The following SND1 variants were observed in gnomAD, a reference collection of about 807,000 sequenced individuals.
The protein encoded by SND1 is staphylococcal nuclease domain-containing protein 1.
A neutral mutation model predicts 121.7 loss-of-function variants in SND1; 38 were observed. The ratio of observed to expected loss-of-function variants is 0.31; its 90% confidence interval spans 0.24 to 0.41. The LOEUF (loss-of-function observed/expected upper bound fraction) is 0.41, where lower values mean the gene tolerates loss of function less well. Among genes scored for constraint, SND1 ranks in the 10% least tolerant of loss-of-function variants. SND1 has a pLI of 1.00. For synonymous variants in SND1, 401 were observed against 447.4 expected (o/e 0.90, Z 1.31); for missense variants, 868 against 1,184.6 (o/e 0.73, Z 3.92).
intron 10 of SND1, among the ~76,000 whole-genome samples, chr7:127,727,539 C>A (rs368770174): frequency 6.6e-6 from 1 of 152,238 alleles, no homozygotes; most frequent in South Asian, 2.1e-4. Flanking sequence ...GAAATTGGAG[C>A]AGGCCAGTAA....
chr7:127,849,366 C>T (rs1199775364), intron 12 of SND1, among the ~76,000 whole-genome samples: 1 of 152,096 alleles, frequency 6.6e-6, no homozygotes, highest in Non-Finnish European at 1.5e-5. Flanking sequence ...TTTGGCAAAC[C>T]CTTAGAATCT....
chr7:127,680,394 G>A (rs1485148001), intron 1 of SND1, among the ~76,000 whole-genome samples: 2 of 152,056 alleles, frequency 1.3e-5, no homozygotes, highest in East Asian at 3.9e-4. Flanking sequence ...AATAAGCCTG[G>A]GAGCGCTATG....
At chr7:127,673,601 T>G (rs1220084257) in intron 1 of SND1, among the ~76,000 whole-genome samples, 1 of 152,190 alleles carries the variant, frequency 6.6e-6, no homozygotes, top group Non-Finnish European at 1.5e-5. Context: ...CGTGAGCCAC[T>G]GTGCCCGGCC....
In SND1 at chr7:127,844,334, C is replaced by T. The variant is rs200994299; in HGVS notation, c.1253C>T (p.Thr418Met). 56 of 1,612,676 alleles carry T rather than the reference C, an allele frequency of 3.5e-5. No homozygotes were observed. The African/African-American group carries it at 3.6e-4, about 10-fold the overall frequency. The change falls in exon 12 of 24, where the codon ACG becomes ATG. Residue 418 changes from threonine (T) to methionine (M), a missense_variant. Physicochemically the swap from Thr to Met is moderately conservative, Grantham distance 81. Around this residue, in one of 2 missense-constraint regions of SND1, gnomAD observed 743 missense variants for 1,071.3 expected, o/e 0.69. Transcript: ENST00000354725. Reference sequence around the variant, plus strand: ...ATTCTTTGTTTCCAGGTCAATGTGACGGTGGACTACATTAGACCAGCCAGC... The same window carrying T: ...ATTCTTTGTTTCCAGGTCAATGTGATGGTGGACTACATTAGACCAGCCAGC... The part of the protein sequence containing the change: ...KKLIGKKVNV[T>M]VDYIRPASPA...
intron 1 of SND1, among the ~76,000 whole-genome samples, chr7:127,656,413 C>A (rs1237089145): frequency 6.6e-6 from 1 of 150,902 alleles, no homozygotes; most frequent in Non-Finnish European, 1.5e-5. Context: ...ACCTCCACCT[C>A]TTGGGTTCAA....
chr7:127,677,969 T>G (rs1279222329), intron 1 of SND1, among the ~76,000 whole-genome samples: 2 of 152,204 alleles, frequency 1.3e-5, no homozygotes, highest in Non-Finnish European at 2.9e-5. Context: ...TTGCAGATGG[T>G]ACGGTTTAAT....
chr7:127,916,271 C>T (rs1435518561), intron 14 of SND1, among the ~76,000 whole-genome samples: 1 of 151,938 alleles, frequency 6.6e-6, no homozygotes, highest in Non-Finnish European at 1.5e-5. Context: ...ACTGGTAGAA[C>T]TGAGTGGTTG....
At chr7:128,004,382 G>C (rs534299046) in intron 16 of SND1, among the ~76,000 whole-genome samples, 2 of 152,088 alleles carry the variant, frequency 1.3e-5, no homozygotes, top group Non-Finnish European at 2.9e-5. Flanking sequence ...ACCTGAAGAG[G>C]GACCTCTGGT....
rs200439931 is a variant in SND1, at chr7:127,846,608, C to G, written c.1343+2184C>G. Among the ~76,000 whole-genome samples, 14 of 152,218 alleles carry G rather than the reference C, an allele frequency of 9.2e-5. No homozygotes were observed. The East Asian group carries it at 2.7e-3, about 29-fold the overall frequency. On this transcript the variant is annotated intron_variant, in intron 12 of 23. Coordinates refer to ENST00000354725, the MANE Select transcript of SND1 (RefSeq NM_014390.4). Reference sequence around the variant, plus strand: ...AAATCAATGAATTTGTTGAGTGATTCATTAACTTTATTGCAAACTCTTCCT... The same window carrying G: ...AAATCAATGAATTTGTTGAGTGATTGATTAACTTTATTGCAAACTCTTCCT...
intron 12 of SND1, among the ~76,000 whole-genome samples, chr7:127,855,158 A>G (rs1799250947): frequency 6.6e-6 from 1 of 151,988 alleles, no homozygotes. Context: ...TCACTCTGTC[A>G]CCCATGTTGG....
At chr7:127,711,929 C>T (rs1291441907) in intron 9 of SND1, among the ~76,000 whole-genome samples, 1 of 151,214 alleles carries the variant, frequency 6.6e-6, no homozygotes, top group African/African-American at 2.4e-5. Context: ...CATCTCTTAG[C>T]TTTCTGCGAA....
intron 10 of SND1, among the ~76,000 whole-genome samples, chr7:127,734,526 C>G (rs1307336961): frequency 6.6e-6 from 1 of 152,140 alleles, no homozygotes; most frequent in East Asian, 1.9e-4. Flanking sequence ...GGTTAAAGAA[C>G]GTGCTTGCCT....
At chr7:128,033,735 CTAT>C (rs1792695473) in intron 16 of SND1, among the ~76,000 whole-genome samples, 1 of 152,154 alleles carries the variant, frequency 6.6e-6, no homozygotes, top group African/African-American at 2.4e-5. Flanking sequence ...CACTGCAACC[CTAT>C]TATTCATTTT....
chr7:127,776,982 T>C (rs757237960), intron 10 of SND1, among the ~76,000 whole-genome samples: 2 of 152,246 alleles, frequency 1.3e-5, no homozygotes, highest in African/African-American at 4.8e-5. Context: ...TCTTCATTCC[T>C]GTGGTCACCC....
Position 127,904,733 on chromosome 7 carries a change from T to G in SND1, c.1455-14T>G. On this transcript the variant is annotated splice_polypyrimidine_tract_variant and intron_variant, in intron 13 of 23. Transcript: ENST00000354725. ...ATTCTTGTTTTAATCGGTTTTTCTC[T>G]TCTTCCTTAACAGAGCTATTAAGAA... is the stretch of plus-strand genomic sequence containing the variant. 6.3e-7 allele frequency: 1 copy of G among 1,588,396 alleles called. No individual in the cohort carries two copies. The highest frequency in any genetic ancestry group is 1.1e-5 in the South Asian group (1 of 90,544).
chr7:127,858,212 G>A lies in SND1; in HGVS notation c.1343+13788G>A, dbSNP rs997297664. 1.1e-4 allele frequency: 90 copies of A among 784,660 alleles called. 1 individual carries two copies. Among genetic ancestry groups the A allele is most frequent in the East Asian group, 4.0e-4 (16 of 40,424 alleles). The allele number at this position is 784,660 out of a possible 1,614,324, so 48.6% of individuals were successfully genotyped here. A position where few individuals can be genotyped will look rare whatever the true frequency, so the allele number is the denominator to read the frequency against. On this transcript the variant is annotated intron_variant, in intron 12 of 23. Coordinates refer to ENST00000354725, the MANE Select transcript of SND1 (RefSeq NM_014390.4). ...CAGCCGCATGGCCAACTGTTCCCTC[G>A]TTTCCTGGTACATGCCAAGGTTTCC...
At chr7:128,063,507 C>G (rs1373308208) in intron 16 of SND1, among the ~76,000 whole-genome samples, 1 of 152,166 alleles carries the variant, frequency 6.6e-6, no homozygotes, top group Non-Finnish European at 1.5e-5. Flanking sequence ...CTTCTCCAGT[C>G]AGTTTGGTGC....
In SND1 at chr7:128,081,610, C is replaced by T. The variant is rs1250768830; in HGVS notation, c.2110+109C>T. On this transcript the variant is annotated intron_variant, in intron 18 of 23. Transcript: ENST00000354725. ...TGGGAGGAACAATGCCTAGGCAGTC[C>T]AGGAGCCTCCCCTGAAGAGCTCACG... 4.6e-6 allele frequency: 6 copies of T among 1,305,260 alleles called. No homozygotes were observed. In the African/African-American group the frequency reaches 5.8e-5, roughly 13 times the overall value. 80.9% of individuals were successfully genotyped at this position (1,305,260 alleles called of 1,614,324 possible). A position where few individuals can be genotyped will look rare whatever the true frequency, so the allele number is the denominator to read the frequency against.
chr7:127,914,671 C>G (rs1278274052), intron 14 of SND1, among the ~76,000 whole-genome samples: 1 of 152,096 alleles, frequency 6.6e-6, no homozygotes, highest in Non-Finnish European at 1.5e-5. Context: ...CTCCAAGGTA[C>G]AGGATTGGCT....
Sources: gnomAD v4.1 joint callset for allele counts (sites outside exome capture counted in the v4.1 genomes callset) on GRCh38, gnomAD v4.1.1 for gene constraint, gnomAD v4.1.1 regional missense constraint, MANE v1.5 for transcripts, NCBI Gene and HGNC (gene_info 2026-07-23, HGNC 2026-07-21) for gene names.